The following FSBP variants were observed in gnomAD, a reference collection of about 807,000 sequenced individuals.
The protein encoded by FSBP is fibrinogen silencer-binding protein.
Under a neutral mutation model 24.6 loss-of-function variants are expected in FSBP, and 18 were observed. That is an observed-to-expected ratio of 0.73 (90% confidence interval 0.51 to 1.08). The LOEUF (loss-of-function observed/expected upper bound fraction) is 1.08. Ranked by LOEUF, FSBP falls within the 50% of genes least tolerant of loss-of-function variation. The probability of loss-of-function intolerance (pLI) is 0.00; values close to 1 mark genes in which losing one functional copy is unlikely to be tolerated. For missense variants in FSBP, 305 were observed against 347.6 expected, an observed-to-expected ratio of 0.88 and a Z score of 0.98; for synonymous variants, 110 against 125.8, an observed-to-expected ratio of 0.87 and a Z score of 0.84.
Position 94,432,190 on chromosome 8 carries a change from C to T in FSBP, c.841G>A (p.Val281Met), listed in dbSNP as rs1563654911. ...EEELLRAKIE[V>M]EKLKAIRLRH... is the part of the protein sequence containing the mutation. ...AAGCGAATTGCTTTCAGCTTCTCCACTTCAATTTTTGCTCTTAGTAGCTCT... is the reference window on the plus strand; with the variant it reads ...AAGCGAATTGCTTTCAGCTTCTCCATTTCAATTTTTGCTCTTAGTAGCTCT... The change falls in exon 2 of 2, where the codon GTG becomes ATG. Residue 281 changes from valine (V) to methionine (M), a missense_variant. Physicochemically the swap from Val to Met is conservative, Grantham distance 21 (BLOSUM62 1). Transcript: ENST00000481490. The T allele has an allele frequency of 6.5e-7, 1 of 1,550,298 alleles. No individual in the cohort carries two copies. Among genetic ancestry groups the T allele is most frequent in the East Asian group, 2.4e-5 (1 of 40,898 alleles).
chr8:94,432,978 T>G (rs1373097844), intron 1 of FSBP, among the ~76,000 whole-genome samples: 3 of 152,082 alleles, frequency 2.0e-5, no homozygotes, highest in African/African-American at 7.2e-5. Flanking sequence ...CACCAATCTT[T>G]CCCACAACCC....
At chr8:94,432,766 TAAAGTTAC>T (rs1812146214) in intron 1 of FSBP, 110 bp from the exon 2 acceptor site, 1 of 1,289,982 alleles carries the variant, frequency 7.8e-7, no homozygotes, top group Non-Finnish European at 9.9e-7. Context: ...TTTAAAACTA[TAAAGTTAC>T]AAAATAAAAA....
In FSBP at chr8:94,436,380, A is replaced by G. The variant is rs1204839275; in HGVS notation, c.374+115T>C. 3.1e-6 allele frequency: 4 copies of G among 1,292,094 alleles called. No homozygotes were observed. The African/African-American group carries it at 6.0e-5, about 19-fold the overall frequency. 80.0% of individuals were successfully genotyped at this position (1,292,094 alleles called of 1,614,324 possible). A position where few individuals can be genotyped will look rare whatever the true frequency, so the allele number is the denominator to read the frequency against. Reference sequence around the variant, plus strand: ...TTAAAAAATGCAAAACAAAGACACTATTCATTGCTCCCGTTGTGGGGATGC... The same window carrying G: ...TTAAAAAATGCAAAACAAAGACACTGTTCATTGCTCCCGTTGTGGGGATGC... On this transcript the variant is annotated intron_variant, in intron 1 of 1. Coordinates refer to ENST00000481490, the MANE Select transcript of FSBP (RefSeq NM_001256141.2).
chr8:94,436,578 A>C lies in FSBP; in HGVS notation c.291T>G (p.Ile97Met), dbSNP rs1450459072. The C allele has an allele frequency of 6.4e-6, 10 of 1,550,420 alleles. No homozygotes were observed. In the East Asian group the frequency reaches 2.2e-4, roughly 34 times the overall value. The change falls in exon 1 of 2, where the codon ATT becomes ATG. Residue 97 changes from isoleucine to methionine, a missense_variant. Physicochemically the swap from Ile to Met is conservative, Grantham distance 10. Transcript: ENST00000481490. ...CCATAACTTTCTTGGTTGGCTCAGA[A>C]ATATTGCTTTTAAAATCTGATTGGG... Reference protein sequence around the residue: ...KETQSDFKSNISEPTKKVMEM... With the variant: ...KETQSDFKSNMSEPTKKVMEM...
At position 94,432,120 on chromosome 8, in the gene FSBP, G is replaced by GA. The variant is rs747523000; in HGVS notation, c.*10dup. ...ATCAAAATTATCAAATTGCAAGATT[G>GA]AAAAAAAAACTTAGAGACTGTTATA... On this transcript the variant is annotated 3_prime_UTR_variant, in exon 2 of 2. Transcript: ENST00000481490. 323 of 1,494,546 alleles carry GA rather than the reference G, an allele frequency of 2.2e-4. No individual in the cohort carries two copies. Among genetic ancestry groups the GA allele is most frequent in the South Asian group, 6.8e-4 (51 of 74,906 alleles). 92.6% of individuals were successfully genotyped at this position (1,494,546 alleles called of 1,614,324 possible).
rs942793217 is a variant in FSBP, at chr8:94,430,546, A to C, written c.*1585T>G. 1 of 753,376 alleles carries C rather than the reference A, an allele frequency of 1.3e-6. No individual in the cohort carries two copies. The highest frequency in any genetic ancestry group is 1.9e-5 in the African/African-American group (1 of 52,330). The allele number at this position is 753,376 out of a possible 1,614,324, so 46.7% of individuals were successfully genotyped here. On this transcript the variant is annotated 3_prime_UTR_variant, in exon 2 of 2. Transcript: ENST00000481490. ...GATTGCTGACACCCCCAGGGTTTCT[A>C]ATTCACTTGGAAATGGATTTACATT...
In FSBP at chr8:94,431,953, C is replaced by A; in HGVS notation, c.*178G>T. 1 of 1,281,016 alleles carries A rather than the reference C, an allele frequency of 7.8e-7. No individual in the cohort carries two copies. Among genetic ancestry groups the A allele is most frequent in the Non-Finnish European group, 9.9e-7 (1 of 1,008,778 alleles). 79.4% of individuals were successfully genotyped at this position (1,281,016 alleles called of 1,614,324 possible). A position where few individuals can be genotyped will look rare whatever the true frequency, so the allele number is the denominator to read the frequency against. On this transcript the variant is annotated 3_prime_UTR_variant, in exon 2 of 2. Coordinates refer to ENST00000481490, the MANE Select transcript of FSBP (RefSeq NM_001256141.2). ...CAATAAAAACTATAACCATGCCAAC[C>A]AACCAGTAAATTTTAATATCTCAAA... is the stretch of plus-strand genomic sequence containing the variant.
chr8:94,436,391 C>T, intron 1 of FSBP, 104 bp downstream of exon 1: 1 of 1,333,720 alleles, frequency 7.5e-7, no homozygotes. Context: ...TTCATTGCTC[C>T]CGTTGTGGGG....
rs1812118847 is a variant in FSBP at position 94,432,258 on chromosome 8, T to C, written c.773A>G (p.Gln258Arg). 1.9e-6 allele frequency: 3 copies of C among 1,550,320 alleles called. No homozygotes were observed. In the South Asian group the frequency reaches 3.6e-5, roughly 18 times the overall value. The change falls in exon 2 of 2, where the codon CAG (glutamine) becomes CGG (arginine). Residue 258 changes from glutamine to arginine, a missense_variant. Gln to Arg is a conservative substitution (Grantham distance 43). Transcript: ENST00000481490. Reference protein sequence around the residue: ...ENQKNFGLYVQEKRDGLKRRQ... With the variant: ...ENQKNFGLYVREKRDGLKRRQ... ...TCTTTTCAATCCATCCCTCTTCTCC[T>C]GAACATACAATCCAAAATTTTTTTG...
chr8:94,435,596 T>G (rs1812233550), intron 1 of FSBP, among the ~76,000 whole-genome samples: 1 of 152,126 alleles, frequency 6.6e-6, no homozygotes, highest in Non-Finnish European at 1.5e-5. Flanking sequence ...GCTGCCATTT[T>G]TATATTTTGC....
intron 1 of FSBP, among the ~76,000 whole-genome samples, 160 bp from the exon 2 acceptor site, chr8:94,432,816 G>A (rs900260433): frequency 4.6e-5 from 7 of 152,006 alleles, no homozygotes; most frequent in Non-Finnish European, 8.8e-5. Flanking sequence ...ACATTAAAGT[G>A]ACTAAGATTG....
chr8:94,432,973 A>G (rs1228261797), intron 1 of FSBP, among the ~76,000 whole-genome samples: 1 of 152,114 alleles, frequency 6.6e-6, no homozygotes, highest in East Asian at 1.9e-4. Context: ...ACAGACACCA[A>G]TCTTTCCCAC....
chr8:94,431,584 T>A lies in FSBP; in HGVS notation c.*547A>T. 1.1e-6 allele frequency: 1 copy of A among 922,070 alleles called. No individual in the cohort carries two copies. The highest frequency in any genetic ancestry group is 1.3e-6 in the Non-Finnish European group (1 of 772,392). 57.1% of individuals were successfully genotyped at this position (922,070 alleles called of 1,614,324 possible). On this transcript the variant is annotated 3_prime_UTR_variant, in exon 2 of 2. Coordinates refer to ENST00000481490, the MANE Select transcript of FSBP (RefSeq NM_001256141.2). ...TGTTACCCTAAGTAAGTCATTGAGT[T>A]CTCCCTGGACCTGTTTCATTACCCC...
In FSBP at chr8:94,430,359, C is replaced by A; in HGVS notation, c.*1772G>T. 2 of 983,582 alleles carry A rather than the reference C, an allele frequency of 2.0e-6. No individual in the cohort carries two copies. Among genetic ancestry groups the A allele is most frequent in the East Asian group, 1.1e-4 (1 of 8,788 alleles). The allele number at this position is 983,582 out of a possible 1,614,324, so 60.9% of individuals were successfully genotyped here. ...AATGTAATTCATAATCTGGTATCAA[C>A]CATCATCCAAATTTATATCCCTCAG... On this transcript the variant is annotated 3_prime_UTR_variant, in exon 2 of 2. Coordinates refer to ENST00000481490, the MANE Select transcript of FSBP (RefSeq NM_001256141.2).
Position 94,431,986 on chromosome 8 carries a change from A to G in FSBP, c.*145T>C. 1 of 1,307,748 alleles carries G rather than the reference A, an allele frequency of 7.6e-7. No individual in the cohort carries two copies. The highest frequency in any genetic ancestry group is 9.8e-7 in the Non-Finnish European group (1 of 1,024,768). The allele number at this position is 1,307,748 out of a possible 1,614,324, so 81.0% of individuals were successfully genotyped here. ...AAATTTTAATATCTCAAAAGAAAAT[A>G]ATTAGAAAATTATATCTAAAAAGTT... On this transcript the variant is annotated 3_prime_UTR_variant, in exon 2 of 2. Transcript: ENST00000481490.
At chr8:94,436,448 G>GAT (rs1217172328) in intron 1 of FSBP, 47 bp downstream of exon 1, 1 of 1,483,062 alleles carries the variant, frequency 6.7e-7, no homozygotes, top group Admixed American at 2.4e-5. Flanking sequence ...AAGCCCAATA[G>GAT]ATAGGAGGCG....
At position 94,429,553 on chromosome 8, in the gene FSBP, CTCATA is replaced by C. The variant is rs1812033482; in HGVS notation, c.*2573_*2577del. On this transcript the variant is annotated 3_prime_UTR_variant, in exon 2 of 2. Coordinates refer to ENST00000481490, the MANE Select transcript of FSBP (RefSeq NM_001256141.2). ...GCTGAAACTGTAAAGTGAATTACAT[CTCATA>C]TATGTGCTTTCAATAATTTCAAAAA... 1 of 982,850 alleles carries C rather than the reference CTCATA, an allele frequency of 1.0e-6. No homozygotes were observed. Among genetic ancestry groups the C allele is most frequent in the Non-Finnish European group, 1.2e-6 (1 of 827,742 alleles). 60.9% of individuals were successfully genotyped at this position (982,850 alleles called of 1,614,324 possible).
Position 94,436,632 on chromosome 8 carries a change from GGCATA to G in FSBP, c.232_236del (p.Tyr78GlnfsTer15). On this transcript the variant is annotated frameshift_variant, in exon 1 of 2. Transcript: ENST00000481490. LOFTEE classifies it high-confidence loss of function. ...CTTTTTGCTGCAATAGCTCCTGTTT[GGCATA>G]TTCTTTGAGCCTTTTATAAAGGGTG... 1 of 1,550,460 alleles carries G rather than the reference GGCATA, an allele frequency of 6.4e-7. No homozygotes were observed. Among genetic ancestry groups the G allele is most frequent in the Non-Finnish European group, 8.7e-7 (1 of 1,146,960 alleles).
At chr8:94,433,266 G>A (rs1382873556) in intron 1 of FSBP, among the ~76,000 whole-genome samples, 1 of 152,004 alleles carries the variant, frequency 6.6e-6, no homozygotes, top group Non-Finnish European at 1.5e-5. Flanking sequence ...TATCTGATAG[G>A]AAAAACTTCC....
Sources: gnomAD v4.1 joint callset for allele counts (sites outside exome capture counted in the v4.1 genomes callset) on GRCh38, gnomAD v4.1.1 for gene constraint, MANE v1.5 for transcripts, NCBI Gene and HGNC (gene_info 2026-07-23, HGNC 2026-07-21) for gene names.